RALGPS1: variants seen among roughly 807,000 people sequenced by gnomAD.
RALGPS1 encodes ras-specific guanine nucleotide-releasing factor RalGPS1.
A neutral mutation model predicts 78.8 loss-of-function variants in RALGPS1; 19 were observed. That is an observed-to-expected ratio of 0.24 (90% confidence interval 0.17 to 0.35). The LOEUF (loss-of-function observed/expected upper bound fraction) is 0.35. Among genes scored for constraint, RALGPS1 ranks in the 10% least tolerant of loss-of-function variants. The pLI, the probability that RALGPS1 is intolerant of heterozygous loss-of-function variation, is 1.00. For synonymous variants in RALGPS1, 228 were observed against 256.3 expected, an observed-to-expected ratio of 0.89 and a Z score of 1.06; for missense variants, 454 against 688.3, an observed-to-expected ratio of 0.66 and a Z score of 3.81.
chr9:127,053,186 A>G (rs543138170), intron 7 of RALGPS1, among the ~76,000 whole-genome samples: 27 of 152,288 alleles, frequency 1.8e-4, no homozygotes, highest in African/African-American at 6.5e-4. Context: ...CTTCCTGGAC[A>G]CCACGATGTC....
intron 8 of RALGPS1, among the ~76,000 whole-genome samples, chr9:127,134,134 G>A (rs764977985): frequency 3.9e-5 from 6 of 152,096 alleles, no homozygotes; most frequent in East Asian, 1.9e-4. Context: ...GCCTGGCCAC[G>A]ATGGGATGGC....
At chr9:126,972,135 C>T (rs912302113) in intron 3 of RALGPS1, among the ~76,000 whole-genome samples, 1 of 152,164 alleles carries the variant, frequency 6.6e-6, no homozygotes, top group African/African-American at 2.4e-5. Flanking sequence ...AGTGAGGAAG[C>T]TGTCAAGGAA....
chr9:126,986,303 A>G (rs1178630385), intron 4 of RALGPS1, among the ~76,000 whole-genome samples: 3 of 152,236 alleles, frequency 2.0e-5, no homozygotes, highest in African/African-American at 7.2e-5. Context: ...AAATTGGTGT[A>G]TTAATGCAGA....
chr9:126,920,663 C>G (rs2034659601), intron 1 of RALGPS1, among the ~76,000 whole-genome samples: 1 of 152,178 alleles, frequency 6.6e-6, no homozygotes, highest in South Asian at 2.1e-4. Flanking sequence ...AGAGAATACA[C>G]TTGACTTTCT....
chr9:127,203,415 C>T (rs1398653148), intron 14 of RALGPS1, among the ~76,000 whole-genome samples: 2 of 152,064 alleles, frequency 1.3e-5, no homozygotes, highest in Non-Finnish European at 1.5e-5. Flanking sequence ...ATTACGAAAC[C>T]CTTGGCCACC....
chr9:127,189,023 AAAAAC>A (rs1393721310), intron 11 of RALGPS1, among the ~76,000 whole-genome samples: 9 of 132,476 alleles, frequency 6.8e-5, no homozygotes, highest in Admixed American at 1.6e-4. Context: ...AAAAAAAAAA[AAAAAC>A]CCCATTGGCT....
At chr9:127,124,780 G>T (rs2056484051) in intron 8 of RALGPS1, among the ~76,000 whole-genome samples, 1 of 152,124 alleles carries the variant, frequency 6.6e-6, no homozygotes, top group Non-Finnish European at 1.5e-5. Context: ...GTTGAGACTT[G>T]GTTTTATTTT....
chr9:127,029,203 C>T (rs1262438160), intron 4 of RALGPS1, among the ~76,000 whole-genome samples: 1 of 152,108 alleles, frequency 6.6e-6, no homozygotes, highest in Admixed American at 6.5e-5. Flanking sequence ...TTTATTTGCC[C>T]ATCTCCTTAG....
intron 3 of RALGPS1, among the ~76,000 whole-genome samples, chr9:126,972,269 G>T (rs2040192055): frequency 6.6e-6 from 1 of 152,158 alleles, no homozygotes; most frequent in African/African-American, 2.4e-5. Context: ...TCAAGCAATG[G>T]GTCACCTTTT....
chr9:127,198,119 C>T (rs560964692), intron 13 of RALGPS1, among the ~76,000 whole-genome samples: 2 of 152,358 alleles, frequency 1.3e-5, no homozygotes, highest in East Asian at 3.9e-4. Context: ...TGGTTCCCGG[C>T]TCCTCAAGTT....
Position 127,218,649 on chromosome 9 carries a change from G to A in RALGPS1, c.1645-91G>A, listed in dbSNP as rs1343526960. 5.8e-6 allele frequency: 8 copies of A among 1,379,094 alleles called. No individual in the cohort carries two copies. The highest frequency in any genetic ancestry group is 2.3e-5 in the East Asian group (1 of 43,748). 85.4% of individuals were successfully genotyped at this position (1,379,094 alleles called of 1,614,324 possible). On this transcript the variant is annotated intron_variant, in intron 18 of 18. Transcript: ENST00000259351. This position sits in a 1 kb window ranked among gnomAD's most constrained non-coding sequence, Gnocchi z 4.4. ...CAACCTGCTCATTCCCAGACTCACGGGGAAAGGCCTGTCCCTTCCCCTAGG... is the reference window on the plus strand; with the variant it reads ...CAACCTGCTCATTCCCAGACTCACGAGGAAAGGCCTGTCCCTTCCCCTAGG...
chr9:127,068,773 A>T (rs2049933365), intron 7 of RALGPS1, among the ~76,000 whole-genome samples: 1 of 152,190 alleles, frequency 6.6e-6, no homozygotes, highest in African/African-American at 2.4e-5. Context: ...TCCCATAGGC[A>T]TTGTGCCCAG....
chr9:126,982,696 C>T (rs2041361935), intron 4 of RALGPS1, among the ~76,000 whole-genome samples: 1 of 152,064 alleles, frequency 6.6e-6, no homozygotes, highest in Non-Finnish European at 1.5e-5. Context: ...CTGCCTCAGC[C>T]CCCTGCCCTG....
chr9:127,137,207 C>T (rs2057457111), intron 8 of RALGPS1, among the ~76,000 whole-genome samples: 1 of 152,180 alleles, frequency 6.6e-6, no homozygotes, highest in Non-Finnish European at 1.5e-5. Flanking sequence ...ACCCAGCTAC[C>T]CCAGCCACGG....
At chr9:127,156,146 C>A (rs1234656449) in intron 8 of RALGPS1, among the ~76,000 whole-genome samples, 1 of 152,148 alleles carries the variant, frequency 6.6e-6, no homozygotes, top group Non-Finnish European at 1.5e-5. Context: ...TTTATCCTTA[C>A]AATAGCTGCA....
intron 8 of RALGPS1, among the ~76,000 whole-genome samples, chr9:127,114,599 C>A (rs1194804478): frequency 1.3e-5 from 2 of 152,226 alleles, no homozygotes; most frequent in Non-Finnish European, 2.9e-5. Context: ...AGGTTGTAGT[C>A]CTGCCTGGAG....
At chr9:127,001,205 T>A (rs1291752950) in intron 4 of RALGPS1, among the ~76,000 whole-genome samples, 1 of 151,482 alleles carries the variant, frequency 6.6e-6, no homozygotes, top group Non-Finnish European at 1.5e-5. Context: ...GGGGATCACT[T>A]GAACCCAGGA....
At chr9:127,096,871 A>G (rs1424730790) in intron 8 of RALGPS1, among the ~76,000 whole-genome samples, 1 of 152,188 alleles carries the variant, frequency 6.6e-6, no homozygotes, top group Non-Finnish European at 1.5e-5. Context: ...CTAGCCACGT[A>G]TTTCCACAGG....
intron 8 of RALGPS1, among the ~76,000 whole-genome samples, chr9:127,129,037 A>C (rs1405508982): frequency 6.6e-6 from 1 of 152,208 alleles, no homozygotes; most frequent in Non-Finnish European, 1.5e-5. Flanking sequence ...GTCACCTAAC[A>C]GCCAACAAAT....
Sources: allele counts gnomAD v4.1 joint callset (sites outside exome capture counted in the v4.1 genomes callset), GRCh38; gene constraint gnomAD v4.1.1; non-coding constraint Gnocchi (gnomAD v3.1); transcripts MANE v1.5; gene names NCBI Gene and HGNC (gene_info 2026-07-23, HGNC 2026-07-21).